The following RYR3 variants were observed in gnomAD, a reference collection of about 807,000 sequenced individuals.
RYR3 encodes ryanodine receptor 3.
Under a neutral mutation model 584.3 loss-of-function variants are expected in RYR3, and 207 were observed. That is an observed-to-expected ratio of 0.35 (90% CI 0.32 to 0.40). The LOEUF (loss-of-function observed/expected upper bound fraction) is 0.40. Ranked by LOEUF, RYR3 falls within the 10% of genes least tolerant of loss-of-function variation. RYR3 has a pLI of 1.00. For missense variants in RYR3, 5,616 were observed against 6,089.2 expected (o/e 0.92, Z 2.59); for synonymous variants, 2,416 against 2,248.5 (o/e 1.07, Z -2.11).
intron 43 of RYR3, among the ~76,000 whole-genome samples, chr15:33,710,339 CTTTTTTT>C (rs58909445): frequency 1.8e-5 from 2 of 112,464 alleles, no homozygotes; most frequent in African/African-American, 3.6e-5. Context: ...GTGCCATACA[CTTTTTTT>C]TTTTTTTTTT....
intron 1 of RYR3, among the ~76,000 whole-genome samples, chr15:33,323,835 C>G (rs966590891): frequency 4.6e-5 from 7 of 152,154 alleles, no homozygotes; most frequent in Non-Finnish European, 8.8e-5. Context: ...TAAGTGCATG[C>G]CACTTGTTCA....
At position 33,707,336 on chromosome 15, in the gene RYR3, G is replaced by C. The variant is rs552799371; in HGVS notation, c.6619+282G>C. On this transcript the variant is annotated intron_variant, in intron 43 of 103. Coordinates refer to ENST00000634891, the MANE Select transcript of RYR3 (RefSeq NM_001036.6). ...CGCAGAGAGGTCATCTCTCTGCACT[G>C]TAAAAGGGGGCCTTATGAATATCAT... Among the ~76,000 whole-genome samples the C allele has an allele frequency of 3.3e-5, 5 of 152,220 alleles. No individual in the cohort carries two copies. In the East Asian group the frequency reaches 9.7e-4, roughly 29 times the overall value.
At chr15:33,600,367 A>T (rs532533644) in intron 16 of RYR3, among the ~76,000 whole-genome samples, 65 of 152,264 alleles carry the variant, frequency 4.3e-4, no homozygotes, top group African/African-American at 1.4e-3. Flanking sequence ...AACCTGCCAT[A>T]TCGTGGCTGT....
intron 1 of RYR3, among the ~76,000 whole-genome samples, chr15:33,313,530 G>C (rs374626712): frequency 5.4e-4 from 83 of 152,308 alleles, no homozygotes; most frequent in African/African-American, 1.9e-3. Context: ...GGGAACACCA[G>C]GCTTGTGCTA....
At chr15:33,383,161 G>C (rs987739885) in intron 1 of RYR3, among the ~76,000 whole-genome samples, 1 of 151,502 alleles carries the variant, frequency 6.6e-6, no homozygotes, top group Non-Finnish European at 1.5e-5. Flanking sequence ...AGTGATGGGG[G>C]TAACAGTGAA....
intron 38 of RYR3, among the ~76,000 whole-genome samples, chr15:33,694,406 G>T (rs1262832987): frequency 8.6e-6 from 1 of 116,646 alleles, no homozygotes; most frequent in Non-Finnish European, 2.2e-5. Context: ...CATCACGCCC[G>T]GTTAATTTTT....
chr15:33,368,338 CTTT>C (rs35491164), intron 1 of RYR3, among the ~76,000 whole-genome samples: 3 of 85,820 alleles, frequency 3.5e-5, no homozygotes, highest in Non-Finnish European at 4.2e-5. Flanking sequence ...GCCTTCCTGT[CTTT>C]TTTTTTTTTT....
intron 5 of RYR3, chr15:33,539,095 G>A (rs185319810): frequency 2.4e-4 from 68 of 288,614 alleles, no homozygotes; most frequent in African/African-American, 1.3e-3. Flanking sequence ...CTCAAAGGCC[G>A]CTATAGTTTC....
At chr15:33,457,824 C>T (rs1172141222) in intron 1 of RYR3, among the ~76,000 whole-genome samples, 3 of 152,222 alleles carry the variant, frequency 2.0e-5, no homozygotes, top group Admixed American at 2.0e-4. Context: ...ACATCACACT[C>T]TACCCCACAA....
chr15:33,670,384 G>A (rs1395448202), intron 37 of RYR3, 35 bp from the exon 38 acceptor site: 1 of 1,609,464 alleles, frequency 6.2e-7, no homozygotes, highest in South Asian at 1.1e-5. Context: ...TTCATGCACT[G>A]CTTTGGATTT....
chr15:33,545,203 C>A (rs1458048710), intron 8 of RYR3, among the ~76,000 whole-genome samples: 1 of 152,114 alleles, frequency 6.6e-6, no homozygotes, highest in Non-Finnish European at 1.5e-5. Flanking sequence ...CATGCCCCCA[C>A]CCACATGCAC....
At chr15:33,576,408 G>C (rs1023426221) in intron 12 of RYR3, among the ~76,000 whole-genome samples, 1 of 152,148 alleles carries the variant, frequency 6.6e-6, no homozygotes, top group African/African-American at 2.4e-5. Context: ...ACATCAAAAA[G>C]CTTATCTAGC....
chr15:33,757,739 T>TCAG, intron 60 of RYR3, 143 bp downstream of exon 60: 4 of 847,744 alleles, frequency 4.7e-6, no homozygotes, highest in Non-Finnish European at 5.5e-6. Flanking sequence ...CGAAAGAAAC[T>TCAG]ATATTCATAC....
intron 36 of RYR3, among the ~76,000 whole-genome samples, chr15:33,669,081 G>A (rs2063661225): frequency 6.6e-6 from 1 of 152,078 alleles, no homozygotes; most frequent in Non-Finnish European, 1.5e-5. Flanking sequence ...GAAGACATTA[G>A]CTAAAATATT....
intron 1 of RYR3, among the ~76,000 whole-genome samples, chr15:33,456,479 C>T (rs1288544204): frequency 6.6e-6 from 1 of 152,158 alleles, no homozygotes; most frequent in Non-Finnish European, 1.5e-5. Flanking sequence ...TCTTTTGGTG[C>T]TTTGCATGTG....
intron 38 of RYR3, among the ~76,000 whole-genome samples, chr15:33,684,838 C>G (rs776178724): frequency 1.3e-4 from 20 of 152,134 alleles, no homozygotes; most frequent in Admixed American, 2.6e-4. Context: ...TTCATTCCAG[C>G]CAAACTAAGC....
intron 87 of RYR3, among the ~76,000 whole-genome samples, chr15:33,835,435 C>T (rs754314532): frequency 1.3e-5 from 2 of 152,182 alleles, no homozygotes; most frequent in Non-Finnish European, 2.9e-5. Context: ...TGTTGCATGT[C>T]TCTGTAATCC....
At chr15:33,769,006 G>T in intron 61 of RYR3, 106 bp from the exon 62 acceptor site, 2 of 847,956 alleles carry the variant, frequency 2.4e-6, no homozygotes, top group Non-Finnish European at 2.0e-6. Flanking sequence ...TTTATGTGTT[G>T]GTAGTTAATT....
chr15:33,560,660 C>T (rs538567929), intron 10 of RYR3, among the ~76,000 whole-genome samples: 4 of 152,176 alleles, frequency 2.6e-5, no homozygotes, highest in East Asian at 1.9e-4. Flanking sequence ...TGAGAATTTT[C>T]GCATCTTTTC....
Sources: gnomAD v4.1 joint callset for allele counts (sites outside exome capture counted in the v4.1 genomes callset) on GRCh38, gnomAD v4.1.1 for gene constraint, MANE v1.5 for transcripts, NCBI Gene and HGNC (gene_info 2026-07-23, HGNC 2026-07-21) for gene names.